MTSS1: variants seen among roughly 807,000 people sequenced by gnomAD.
MTSS1 encodes protein MTSS 1.
In MTSS1, 18 loss-of-function variants were observed where a neutral mutation model predicts 79.0. The observed-to-expected ratio is 0.23, with a 90% CI of 0.16 to 0.34. The LOEUF is 0.34. MTSS1 is among the 10% of genes least tolerant of loss of function. The pLI, the probability that MTSS1 is intolerant of heterozygous loss-of-function variation, is 1.00. For missense variants in MTSS1, 815 were observed against 986.2 expected, an observed-to-expected ratio of 0.83 and a Z score of 2.33; for synonymous variants, 341 against 368.6, an observed-to-expected ratio of 0.93 and a Z score of 0.86.
chr8:124,699,691 C>T, intron 2 of MTSS1, 92 bp from the exon 3 acceptor site: 1 of 1,130,278 alleles, frequency 8.8e-7, no homozygotes, highest in Non-Finnish European at 1.3e-6. Context: ...CTAAGGAGTA[C>T]ATGTAACCTT....
Position 124,728,140 on chromosome 8 carries a change from T to A in MTSS1, c.-185A>T. 1 of 522,606 alleles carries A rather than the reference T, an allele frequency of 1.9e-6. No individual in the cohort carries two copies. Among genetic ancestry groups the A allele is most frequent in the East Asian group, 3.5e-5 (1 of 28,808 alleles). The allele number at this position is 522,606 out of a possible 1,614,324, so 32.4% of individuals were successfully genotyped here. ...TCTCTGCCCAAAATAATAACAGTAA[T>A]TTAAAAAGCCAAACCGCTCTGTAGG... On this transcript the variant is annotated 5_prime_UTR_variant, in exon 1 of 14. Coordinates refer to ENST00000518547, the MANE Select transcript of MTSS1 (RefSeq NM_014751.6). The surrounding 1 kb of genome is among the most constrained non-coding windows in gnomAD (Gnocchi z 6.1).
chr8:124,688,291 G>A (rs753637473), intron 3 of MTSS1, among the ~76,000 whole-genome samples: 8 of 151,662 alleles, frequency 5.3e-5, no homozygotes, highest in African/African-American at 9.7e-5. Context: ...ATGTGTGTAC[G>A]TGTATGTTGT....
Position 124,571,048 on chromosome 8 carries a change from C to A in MTSS1, c.461-2512G>T, listed in dbSNP as rs77991807. 3.6e-3 allele frequency among the ~76,000 whole-genome samples: 552 copies of A among 152,336 alleles called. 1 individual carries two copies. The highest frequency in any genetic ancestry group is 6.4e-3 in the Admixed American group (98 of 15,304). ...ACTACCTCCACCCCTCAGAATAATT[C>A]TTTACCATGCCTTCAATTTCTTCCT... On this transcript the variant is annotated intron_variant, in intron 6 of 13. Transcript: ENST00000518547.
intron 3 of MTSS1, among the ~76,000 whole-genome samples, chr8:124,615,570 G>A (rs540724211): frequency 6.6e-6 from 1 of 152,266 alleles, no homozygotes; most frequent in Non-Finnish European, 1.5e-5. Context: ...CTGGGGGGAA[G>A]GGGGAAAATG....
At chr8:124,726,196 C>A (rs1295792535) in intron 1 of MTSS1, among the ~76,000 whole-genome samples, 4 of 152,210 alleles carry the variant, frequency 2.6e-5, no homozygotes, top group Non-Finnish European at 5.9e-5. Context: ...TGCCACGCAG[C>A]CACAGGATGG....
chr8:124,630,826 T>A (rs1815787317), intron 3 of MTSS1, among the ~76,000 whole-genome samples: 3 of 152,206 alleles, frequency 2.0e-5, no homozygotes, highest in African/African-American at 7.2e-5. Context: ...TATCAACACA[T>A]AAAGCTTAGA....
At chr8:124,661,676 C>T (rs1298373736) in intron 3 of MTSS1, among the ~76,000 whole-genome samples, 2 of 152,098 alleles carry the variant, frequency 1.3e-5, no homozygotes, top group Non-Finnish European at 2.9e-5. Flanking sequence ...GGTCAGCCAC[C>T]CGCTACAAAC....
chr8:124,717,337 CA>C (rs1417514442), intron 1 of MTSS1, among the ~76,000 whole-genome samples: 3,900 of 135,650 alleles, frequency 0.029, 154 homozygotes, highest in African/African-American at 0.088. Context: ...ACTAAAGATA[CA>C]AAAAAAAAAA....
Position 124,651,504 on chromosome 8 carries a change from T to C in MTSS1, c.208+48022A>G, listed in dbSNP as rs546846405. The stretch of plus-strand genomic sequence containing the variant: ...ATAGATTACTACAGTTAGAAACATG[T>C]TACATTCAGAACCATTTCCCTAGCT... On this transcript the variant is annotated intron_variant, in intron 3 of 13. Coordinates refer to ENST00000518547, the MANE Select transcript of MTSS1 (RefSeq NM_014751.6). Among the ~76,000 whole-genome samples, 17 of 152,220 alleles carry C rather than the reference T, an allele frequency of 1.1e-4. No homozygotes were observed. In the East Asian group the frequency reaches 3.3e-3, roughly 29 times the overall value.
At chr8:124,656,506 T>C (rs1464585864) in intron 3 of MTSS1, among the ~76,000 whole-genome samples, 2 of 150,596 alleles carry the variant, frequency 1.3e-5, no homozygotes, top group Non-Finnish European at 3.0e-5. Context: ...GCACAGTGGC[T>C]CACGCCTGTA....
At chr8:124,591,665 A>C (rs1362780415) in intron 3 of MTSS1, among the ~76,000 whole-genome samples, 1 of 152,254 alleles carries the variant, frequency 6.6e-6, no homozygotes, top group Non-Finnish European at 1.5e-5. Context: ...TGACAAAATA[A>C]TCCCGTTAAC....
intron 13 of MTSS1, among the ~76,000 whole-genome samples, chr8:124,554,362 G>A (rs947093115): frequency 1.3e-5 from 2 of 152,152 alleles, no homozygotes; most frequent in African/African-American, 4.8e-5. Flanking sequence ...ATTCTGGGAT[G>A]TTTAAGCAAT....
At chr8:124,613,644 C>T (rs1398531566) in intron 3 of MTSS1, among the ~76,000 whole-genome samples, 1 of 152,186 alleles carries the variant, frequency 6.6e-6, no homozygotes, top group Admixed American at 6.5e-5. Context: ...CTACGTACAG[C>T]TCCACAGGTA....
intron 3 of MTSS1, among the ~76,000 whole-genome samples, chr8:124,606,177 T>A (rs1360804089): frequency 6.7e-6 from 1 of 148,404 alleles, no homozygotes; most frequent in African/African-American, 2.5e-5. Flanking sequence ...TTTTGTTTTT[T>A]TTTTTTTTTT....
At chr8:124,556,616 C>T in intron 11 of MTSS1, 1 of 592,304 alleles carries the variant, frequency 1.7e-6, no homozygotes, top group South Asian at 2.3e-5. Flanking sequence ...CCTCCCTTTT[C>T]CTCGTCTCTG....
chr8:124,644,024 C>T lies in MTSS1; in HGVS notation c.209-52789G>A, dbSNP rs368822800. On this transcript the variant is annotated intron_variant, in intron 3 of 13. Coordinates refer to ENST00000518547, the MANE Select transcript of MTSS1 (RefSeq NM_014751.6). ...ACTAAAGAGAAGCCAACTGGAAGCA[C>T]GCCATTAATTGCTGATGCTTGAGTA... 7.9e-5 allele frequency among the ~76,000 whole-genome samples: 12 copies of T among 152,206 alleles called. No individual in the cohort carries two copies. The East Asian group carries it at 1.2e-3, about 15-fold the overall frequency.
intron 1 of MTSS1, among the ~76,000 whole-genome samples, chr8:124,714,933 T>C (rs62528765): frequency 0.078 from 11,939 of 152,246 alleles, 573 homozygotes; most frequent in Non-Finnish European, 0.1. Context: ...AATACATATC[T>C]ACCCTCTAAC....
chr8:124,720,517 T>C (rs1832752751), intron 1 of MTSS1, among the ~76,000 whole-genome samples: 1 of 152,206 alleles, frequency 6.6e-6, no homozygotes, highest in Non-Finnish European at 1.5e-5. Context: ...GACTTACAAA[T>C]GTCCTAGCCA....
At chr8:124,568,893 G>T (rs956001902) in intron 6 of MTSS1, 1 of 1,393,684 alleles carries the variant, frequency 7.2e-7, no homozygotes, top group Non-Finnish European at 9.3e-7. Context: ...ATTCTGAAGA[G>T]GCTAAGAGAT....
Sources: gnomAD v4.1 joint callset for allele counts (sites outside exome capture counted in the v4.1 genomes callset) on GRCh38, gnomAD v4.1.1 for gene constraint, Gnocchi (gnomAD v3.1) non-coding constraint, MANE v1.5 for transcripts, NCBI Gene and HGNC (gene_info 2026-07-23, HGNC 2026-07-21) for gene names.